GGA2: variants seen among roughly 807,000 people sequenced by gnomAD.
The protein encoded by GGA2 is golgi associated, gamma adaptin ear containing, ARF binding protein 2, also known as ADP-ribosylation factor-binding protein GGA2.
In GGA2, 48 loss-of-function variants were observed where a neutral mutation model predicts 79.5. That is an observed-to-expected ratio of 0.60 (90% CI 0.48 to 0.77). GGA2 has a LOEUF of 0.77. Among genes scored for constraint, GGA2 ranks in the 30% least tolerant of loss-of-function variants. GGA2 has a pLI of 0.00. For missense variants in GGA2, 770 were observed against 774.0 expected (o/e 0.99, Z 0.06); for synonymous variants, 317 against 302.0 (o/e 1.05, Z -0.51).
chr16:23,464,076 G>A lies in GGA2; in HGVS notation c.*3514C>T, dbSNP rs183823768. The A allele has an allele frequency of 6.6e-6, 1 of 152,146 alleles. No homozygotes were observed. The highest frequency in any genetic ancestry group is 2.4e-5 in the African/African-American group (1 of 41,442). 9.4% of individuals were successfully genotyped at this position (152,146 alleles called of 1,614,324 possible). A position where few individuals can be genotyped will look rare whatever the true frequency, so the allele number is the denominator to read the frequency against. On this transcript the variant is annotated 3_prime_UTR_variant, in exon 17 of 17. Transcript: ENST00000309859. ...ATATTGTAGTAGGCAAGCACTATTT[G>A]TATTCTAGAATATTGCCCTTGCTTT...
At position 23,475,031 on chromosome 16, in the gene GGA2, C is replaced by T; in HGVS notation, c.1323G>A (p.Lys441=). ...LNYVSQKSVP[K]EVPPGTKSSP... is the part of the protein sequence containing the mutation. Reference sequence around the variant, plus strand: ...AGGACTTAGTACCTGGTGGCACTTCCTTGGGGACACTTTTCTGCGAAACAT... The same window carrying T: ...AGGACTTAGTACCTGGTGGCACTTCTTTGGGGACACTTTTCTGCGAAACAT... The change falls in exon 14 of 17, where the codon AAG becomes AAA. Residue 441 remains lysine (K), a synonymous_variant. Transcript: ENST00000309859. The T allele has an allele frequency of 6.3e-7, 1 of 1,589,574 alleles. No individual in the cohort carries two copies. The highest frequency in any genetic ancestry group is 8.5e-7 in the Non-Finnish European group (1 of 1,172,430).
rs2142108800 is a variant in GGA2 at position 23,465,982 on chromosome 16, A to G, written c.*1608T>C. 6.6e-6 allele frequency: 1 copy of G among 152,336 alleles called. No individual in the cohort carries two copies. The highest frequency in any genetic ancestry group is 1.9e-4 in the East Asian group (1 of 5,198). The allele number at this position is 152,336 out of a possible 1,614,324, so 9.4% of individuals were successfully genotyped here. The stretch of plus-strand genomic sequence containing the variant: ...CCACACAGAATACAAGCAAGAAAGT[A>G]CTTTTAGATTAAAATTCGTCTTATG... On this transcript the variant is annotated 3_prime_UTR_variant, in exon 17 of 17. Transcript: ENST00000309859.
chr16:23,498,558 T>G (rs549269000), intron 1 of GGA2, among the ~76,000 whole-genome samples: 2 of 152,278 alleles, frequency 1.3e-5, no homozygotes, highest in Admixed American at 6.5e-5. Flanking sequence ...TGAGGCCCCA[T>G]CTCTACAAAT....
chr16:23,474,419 A>G (rs1040965941), intron 14 of GGA2, among the ~76,000 whole-genome samples: 1 of 151,876 alleles, frequency 6.6e-6, no homozygotes, highest in Non-Finnish European at 1.5e-5. Flanking sequence ...GTGTGGTGGC[A>G]TGATCTTGGC....
Position 23,510,430 on chromosome 16 carries a change from G to C in GGA2, c.-19C>G. On this transcript the variant is annotated 5_prime_UTR_variant, in exon 1 of 17. Coordinates refer to ENST00000309859, the MANE Select transcript of GGA2 (RefSeq NM_015044.4). ...CCGCCATCGCTCCAGCCCCGACGCT[G>C]CGGCCGCGGGCGCCACTGCCTCTTC... is the stretch of plus-strand genomic sequence containing the variant. 2.1e-6 allele frequency: 2 copies of C among 971,368 alleles called. No homozygotes were observed. Among genetic ancestry groups the C allele is most frequent in the Non-Finnish European group, 2.7e-6 (2 of 732,320 alleles). The allele number at this position is 971,368 out of a possible 1,614,324, so 60.2% of individuals were successfully genotyped here. A position where few individuals can be genotyped will look rare whatever the true frequency, so the allele number is the denominator to read the frequency against.
In GGA2 at chr16:23,465,878, T is replaced by C. The variant is rs138752639; in HGVS notation, c.*1712A>G. The stretch of plus-strand genomic sequence containing the variant: ...ATCGCTTGAACCTGGTAGGCAGAGA[T>C]TGCAGTGAGCTGAGATTATACCACC... On this transcript the variant is annotated 3_prime_UTR_variant, in exon 17 of 17. Coordinates refer to ENST00000309859, the MANE Select transcript of GGA2 (RefSeq NM_015044.4). 2.4e-3 allele frequency: 391 copies of C among 160,644 alleles called. 2 individuals are homozygous for C. Among genetic ancestry groups the C allele is most frequent in the Non-Finnish European group, 4.8e-3 (345 of 72,510 alleles). 10.0% of individuals were successfully genotyped at this position (160,644 alleles called of 1,614,324 possible). A position where few individuals can be genotyped will look rare whatever the true frequency, so the allele number is the denominator to read the frequency against.
chr16:23,504,622 G>A (rs1275970535), intron 1 of GGA2, among the ~76,000 whole-genome samples: 1 of 152,190 alleles, frequency 6.6e-6, no homozygotes, highest in Non-Finnish European at 1.5e-5. Context: ...CAGCAGCTGG[G>A]TCTGACCAGG....
intron 8 of GGA2, among the ~76,000 whole-genome samples, chr16:23,484,206 G>C (rs538342893): frequency 6.7e-6 from 1 of 150,350 alleles, no homozygotes; most frequent in African/African-American, 2.4e-5. Context: ...TCAGGAGTTC[G>C]AGACCAGCCT....
At position 23,468,977 on chromosome 16, in the gene GGA2, T is replaced by C; in HGVS notation, c.1640A>G (p.Gln547Arg). 1 of 1,608,956 alleles carries C rather than the reference T, an allele frequency of 6.2e-7. No individual in the cohort carries two copies. Among genetic ancestry groups the C allele is most frequent in the Non-Finnish European group, 8.5e-7 (1 of 1,175,296 alleles). Residue 547 changes from glutamine to arginine, a missense_variant, in exon 16 of 17, where the codon CAG (glutamine) becomes CGG (arginine). Transcript: ENST00000309859. The part of the protein sequence containing the change: ...AVPKSMRVKL[Q>R]PASSSKLPAF... ...AGGAAGCTTGGAGCTGGATGCCGGC[T>C]GCAGCTTCACTCTCATTGACTATCA...
intron 15 of GGA2, 121 bp downstream of exon 15, chr16:23,469,875 T>C (rs1964487310): frequency 1.4e-6 from 1 of 711,782 alleles, no homozygotes; most frequent in African/African-American, 1.8e-5. Context: ...ACATTCCCAC[T>C]TTATCTTCAG....
intron 8 of GGA2, among the ~76,000 whole-genome samples, chr16:23,485,113 C>T (rs1243518052): frequency 1.3e-5 from 2 of 152,132 alleles, no homozygotes; most frequent in East Asian, 3.9e-4. Flanking sequence ...CATTAGGCTA[C>T]GTAAAGGAAG....
In GGA2 at chr16:23,481,528, T is replaced by G. The variant is rs1362086398; in HGVS notation, c.881-758A>C. On this transcript the variant is annotated intron_variant, in intron 9 of 16. Transcript: ENST00000309859. The stretch of plus-strand genomic sequence containing the variant: ...TGGTTCACGCCTGTAATCCCAGCAC[T>G]TTGGGAAGCCAAGGCGGGCAAATCA... 3.3e-5 allele frequency among the ~76,000 whole-genome samples: 5 copies of G among 152,318 alleles called. No homozygotes were observed. In the East Asian group the frequency reaches 9.6e-4, roughly 29 times the overall value.
intron 14 of GGA2, among the ~76,000 whole-genome samples, chr16:23,472,314 C>T (rs1323171279): frequency 6.6e-6 from 1 of 151,396 alleles, no homozygotes; most frequent in Non-Finnish European, 1.5e-5. Flanking sequence ...TTGCCTCAGC[C>T]TCCCAAGTAG....
intron 1 of GGA2, among the ~76,000 whole-genome samples, chr16:23,503,655 ATGT>A (rs770244311): frequency 3.3e-5 from 5 of 152,230 alleles, no homozygotes; most frequent in Non-Finnish European, 7.3e-5. Flanking sequence ...AGAACTTAAA[ATGT>A]TGTGTAAAAT....
rs139441213 is a variant in GGA2 at position 23,468,013 on chromosome 16, T to C, written c.1732-313A>G. ...TGGTCCCCAGCTATGACAATCCATCTGATCTTCCTTCAGTGAGCCCCAAAG... is the reference window on the plus strand; with the variant it reads ...TGGTCCCCAGCTATGACAATCCATCCGATCTTCCTTCAGTGAGCCCCAAAG... On this transcript the variant is annotated intron_variant, in intron 16 of 16. Coordinates refer to ENST00000309859, the MANE Select transcript of GGA2 (RefSeq NM_015044.4). Among the ~76,000 whole-genome samples the C allele has an allele frequency of 1.4e-3, 213 of 152,306 alleles. 2 individuals are homozygous for C. The highest frequency in any genetic ancestry group is 0.011 in the East Asian group (56 of 5,180).
chr16:23,485,904 GAT>G, intron 8 of GGA2, 109 bp downstream of exon 8: 1 of 980,864 alleles, frequency 1.0e-6, no homozygotes. Flanking sequence ...GGAGGTGTCA[GAT>G]ATGTTTACCG....
rs1282405096 is a variant in GGA2, at chr16:23,488,683, G to A, written c.502C>T (p.Pro168Ser). 1 of 1,599,812 alleles carries A rather than the reference G, an allele frequency of 6.3e-7. No homozygotes were observed. The highest frequency in any genetic ancestry group is 1.1e-5 in the South Asian group (1 of 90,774). The stretch of plus-strand genomic sequence containing the variant: ...GGTGGGGGTAAGATTTTATCCACTG[G>A]TAGTTTAGGGTCTTGTTTTATAATT... ...QGIIKQDPKL[P>S]VDKILPPPSP... The change falls in exon 6 of 17, where the codon CCA (proline) becomes TCA (serine). Residue 168 changes from proline to serine, a missense_variant. Pro to Ser is a moderately conservative substitution (Grantham distance 74). Transcript: ENST00000309859.
rs1964403258 is a variant in GGA2 at position 23,463,890 on chromosome 16, A to G, written c.*3700T>C. ...GCTGAAGCCGGAGGATCGCCTGAAC[A>G]CAGGAATTCAAGGCTGCATTGAGCT... On this transcript the variant is annotated 3_prime_UTR_variant, in exon 17 of 17. Transcript: ENST00000309859. The G allele has an allele frequency of 6.6e-6, 1 of 152,222 alleles. No individual in the cohort carries two copies. The highest frequency in any genetic ancestry group is 2.1e-4 in the South Asian group (1 of 4,836). The allele number at this position is 152,222 out of a possible 1,614,324, so 9.4% of individuals were successfully genotyped here. A position where few individuals can be genotyped will look rare whatever the true frequency, so the allele number is the denominator to read the frequency against.
At chr16:23,469,226 T>A (rs1186576557) in intron 15 of GGA2, 1 of 425,510 alleles carries the variant, frequency 2.4e-6, no homozygotes, top group East Asian at 3.5e-5. Flanking sequence ...GGGAGTTGTG[T>A]GGTCAATAAC....
Sources: gnomAD v4.1 joint callset for allele counts (sites outside exome capture counted in the v4.1 genomes callset) on GRCh38, gnomAD v4.1.1 for gene constraint, MANE v1.5 for transcripts, NCBI Gene and HGNC (gene_info 2026-07-23, HGNC 2026-07-21) for gene names.